DYNLRB1: variants seen among roughly 807,000 people sequenced by gnomAD.
DYNLRB1 encodes dynein light chain roadblock-type 1.
In DYNLRB1, 6 loss-of-function variants were observed where a neutral mutation model predicts 13.5. That is an observed-to-expected ratio of 0.44 (90% CI 0.24 to 0.88). The LOEUF is 0.88. Ranked by LOEUF, DYNLRB1 falls within the 40% of genes least tolerant of loss-of-function variation. The probability of loss-of-function intolerance (pLI) is 0.21; values close to 1 mark genes in which losing one functional copy is unlikely to be tolerated. For missense variants in DYNLRB1, 93 were observed against 127.2 expected (o/e 0.73, Z 1.29); for synonymous variants, 43 against 45.0 (o/e 0.96, Z 0.18).
chr20:34,519,653 C>G (rs978710422), intron 1 of DYNLRB1, among the ~76,000 whole-genome samples: 3 of 152,110 alleles, frequency 2.0e-5, no homozygotes, highest in Non-Finnish European at 4.4e-5. Flanking sequence ...TGTATCGTAT[C>G]CTAGTCCCAT....
chr20:34,521,102 T>C (rs891568083), intron 1 of DYNLRB1, among the ~76,000 whole-genome samples: 3 of 152,104 alleles, frequency 2.0e-5, no homozygotes, highest in African/African-American at 7.2e-5. Flanking sequence ...AAACTCTGCC[T>C]CCCAGGTTCA....
At position 34,534,686 on chromosome 20, in the gene DYNLRB1, G is replaced by T. The variant is rs368132563; in HGVS notation, c.138G>T (p.Met46Ile). Residue 46 changes from methionine (M) to isoleucine (I), a missense_variant, in exon 3 of 4, where the codon ATG becomes ATT. Met to Ile is a conservative substitution (Grantham distance 10). Coordinates refer to ENST00000357156, the MANE Select transcript of DYNLRB1 (RefSeq NM_014183.4). ...NPTTTQYASL[M>I]HSFILKARST... ...CCACCACCCAGTATGCCAGCCTCAT[G>T]CACAGCTTCATCCTGAAGGCACGGA... The T allele has an allele frequency of 5.3e-5, 85 of 1,604,560 alleles. No individual in the cohort carries two copies. The highest frequency in any genetic ancestry group is 7.2e-5 in the Non-Finnish European group (84 of 1,174,824).
intron 2 of DYNLRB1, among the ~76,000 whole-genome samples, chr20:34,532,324 T>C (rs1304831125): frequency 6.6e-6 from 1 of 152,026 alleles, no homozygotes; most frequent in Non-Finnish European, 1.5e-5. Flanking sequence ...GCTCAGGAGG[T>C]TTCATCACTT....
rs573227837 is a variant in DYNLRB1, at chr20:34,529,809, C to CCGTT, written c.79+3467_79+3468insGTTC. 307 of 1,406,782 alleles carry CCGTT rather than the reference C, an allele frequency of 2.2e-4. 2 individuals are homozygous for CCGTT. The African/African-American group carries it at 4.1e-3, about 19-fold the overall frequency. The allele number at this position is 1,406,782 out of a possible 1,614,324, so 87.1% of individuals were successfully genotyped here. On this transcript the variant is annotated intron_variant, in intron 2 of 3. Transcript: ENST00000357156. ...AGCTAGACAGAACGTGCTCCCCAGC[C>CCGTT]CTGTCTAGTTCTGATTAAACCATGT...
At chr20:34,522,998 C>G (rs2378205) in intron 1 of DYNLRB1, among the ~76,000 whole-genome samples, 68,072 of 152,014 alleles carry the variant, frequency 0.45, 15,799 homozygotes, top group Non-Finnish European at 0.5. Context: ...AAAGTCTGGT[C>G]TGGTTTCCTG....
intron 2 of DYNLRB1, among the ~76,000 whole-genome samples, chr20:34,528,565 C>T (rs186613793): frequency 1.1e-3 from 169 of 152,236 alleles, no homozygotes; most frequent in African/African-American, 3.9e-3. Flanking sequence ...TGCCATCAGC[C>T]CCTTTGATTT....
chr20:34,520,376 C>G (rs944368400), intron 1 of DYNLRB1, among the ~76,000 whole-genome samples: 5 of 152,096 alleles, frequency 3.3e-5, no homozygotes, highest in Non-Finnish European at 5.9e-5. Flanking sequence ...CTACATAATA[C>G]TCGGTGAAAT....
At chr20:34,521,876 T>C (rs1325275914) in intron 1 of DYNLRB1, among the ~76,000 whole-genome samples, 1 of 151,982 alleles carries the variant, frequency 6.6e-6, no homozygotes, top group Non-Finnish European at 1.5e-5. Flanking sequence ...CGAAACCCCA[T>C]CTCTACAAAA....
At chr20:34,535,264 C>G (rs1228189708) in intron 3 of DYNLRB1, 4 of 985,392 alleles carry the variant, frequency 4.1e-6, no homozygotes, top group Non-Finnish European at 4.8e-6. Context: ...AGCAAAAGTA[C>G]TGTATCATTT....
intron 1 of DYNLRB1, among the ~76,000 whole-genome samples, chr20:34,519,141 C>CA (rs963082703): frequency 4.3e-4 from 65 of 152,168 alleles, no homozygotes; most frequent in African/African-American, 1.5e-3. Context: ...AGGCTGGTCT[C>CA]AAACTCATGA....
intron 1 of DYNLRB1, among the ~76,000 whole-genome samples, chr20:34,521,675 G>C (rs1251536304): frequency 6.6e-6 from 1 of 152,124 alleles, no homozygotes; most frequent in African/African-American, 2.4e-5. Context: ...GGGAACTAGA[G>C]AATTGGGGAA....
intron 1 of DYNLRB1, among the ~76,000 whole-genome samples, chr20:34,524,576 G>A (rs1186801498): frequency 2.6e-5 from 4 of 152,248 alleles, no homozygotes; most frequent in South Asian, 2.1e-4. Context: ...CAGAATAGCC[G>A]TTGGCATACA....
intron 3 of DYNLRB1, 63 bp downstream of exon 3, chr20:34,534,858 C>A: frequency 6.2e-7 from 1 of 1,610,626 alleles, no homozygotes; most frequent in Non-Finnish European, 8.5e-7. Flanking sequence ...TGTGGCTCAT[C>A]AGGAGTCCTG....
intron 2 of DYNLRB1, chr20:34,529,768 GC>G (rs1490754858): frequency 8.3e-7 from 1 of 1,208,330 alleles, no homozygotes; most frequent in Non-Finnish European, 1.1e-6. Flanking sequence ...AGTCAGCAGA[GC>G]CCTGGCAAGC....
intron 2 of DYNLRB1, among the ~76,000 whole-genome samples, chr20:34,527,032 G>C (rs1980279844): frequency 6.6e-6 from 1 of 152,138 alleles, no homozygotes; most frequent in Non-Finnish European, 1.5e-5. Context: ...GGACAGGAAG[G>C]GAGCTAGCAT....
rs1161275018 is a variant in DYNLRB1 at position 34,527,548 on chromosome 20, A to G, written c.79+1205A>G. 3.9e-5 allele frequency among the ~76,000 whole-genome samples: 6 copies of G among 152,342 alleles called. No homozygotes were observed. The East Asian group carries it at 1.2e-3, about 29-fold the overall frequency. On this transcript the variant is annotated intron_variant, in intron 2 of 3. Coordinates refer to ENST00000357156, the MANE Select transcript of DYNLRB1 (RefSeq NM_014183.4). ...TCCACATGCTTCATGCCTCTAGGCC[A>G]CAGTGTTTCCCACACGTATTCATTC...
At position 34,527,182 on chromosome 20, in the gene DYNLRB1, G is replaced by T. The variant is rs140832705; in HGVS notation, c.79+839G>T. ...TCGAGATTTAAATCCAAGCCCGTCTGAGTGCGCTTGGGTGCTTTCTCCCGC... is the reference window on the plus strand; with the variant it reads ...TCGAGATTTAAATCCAAGCCCGTCTTAGTGCGCTTGGGTGCTTTCTCCCGC... On this transcript the variant is annotated intron_variant, in intron 2 of 3. Transcript: ENST00000357156. 1.1e-4 allele frequency among the ~76,000 whole-genome samples: 16 copies of T among 152,302 alleles called. No homozygotes were observed. The East Asian group carries it at 2.9e-3, about 28-fold the overall frequency.
chr20:34,529,783 G>GAGCTAGAC, intron 2 of DYNLRB1: 1 of 1,302,180 alleles, frequency 7.7e-7, no homozygotes, highest in Non-Finnish European at 9.9e-7. Context: ...GGCAAGCACA[G>GAGCTAGAC]AGCTAGACAG....
chr20:34,526,953 C>T (rs1980271750), intron 2 of DYNLRB1, among the ~76,000 whole-genome samples: 1 of 152,178 alleles, frequency 6.6e-6, no homozygotes, highest in African/African-American at 2.4e-5. Context: ...CCCTCCACCC[C>T]AACAACCCTT....
Sources: gnomAD v4.1 joint callset for allele counts (sites outside exome capture counted in the v4.1 genomes callset) on GRCh38, gnomAD v4.1.1 for gene constraint, MANE v1.5 for transcripts, NCBI Gene and HGNC (gene_info 2026-07-23, HGNC 2026-07-21) for gene names.